UST: variants seen among roughly 807,000 people sequenced by gnomAD.
UST encodes the protein chondroitin sulfate 2-O-sulfotransferase.
A neutral mutation model predicts 45.6 loss-of-function variants in UST; 21 were observed. The ratio of observed to expected loss-of-function variants is 0.46; its 90% CI spans 0.33 to 0.66. The LOEUF is 0.66. Ranked by LOEUF, UST falls within the 30% of genes least tolerant of loss-of-function variation. UST has a pLI of 0.02. For missense variants in UST, 463 were observed against 512.4 expected (o/e 0.90, Z 0.93); for synonymous variants, 215 against 200.6 (o/e 1.07, Z -0.61).
At chr6:148,822,239 A>C (rs770088611) in intron 1 of UST, among the ~76,000 whole-genome samples, 3 of 152,220 alleles carry the variant, frequency 2.0e-5, no homozygotes, top group Non-Finnish European at 2.9e-5. Flanking sequence ...CTATACTTGA[A>C]AAATCTTATG....
intron 5 of UST, among the ~76,000 whole-genome samples, chr6:148,984,588 G>A (rs1316632701): frequency 6.6e-6 from 1 of 152,170 alleles, no homozygotes; most frequent in Non-Finnish European, 1.5e-5. Context: ...AGGCTGGAGT[G>A]CAGTGGCACA....
At chr6:149,051,180 G>T (rs1446698677) in intron 7 of UST, among the ~76,000 whole-genome samples, 1 of 152,236 alleles carries the variant, frequency 6.6e-6, no homozygotes, top group Non-Finnish European at 1.5e-5. Flanking sequence ...GATTCCATGA[G>T]CTTGGACTCA....
intron 2 of UST, among the ~76,000 whole-genome samples, chr6:148,929,611 T>A (rs181305920): frequency 8.5e-4 from 129 of 152,318 alleles, no homozygotes; most frequent in Middle Eastern, 6.8e-3. Context: ...CTAAGGACTT[T>A]TGTAAGAGAA....
rs372845504 is a variant in UST at position 148,997,796 on chromosome 6, A to T, written c.682-21343A>T. Among the ~76,000 whole-genome samples the T allele has an allele frequency of 4.6e-5, 7 of 152,322 alleles. 1 individual carries two copies. The highest frequency in any genetic ancestry group is 1.3e-4 in the Admixed American group (2 of 15,304). ...ATTCTTAGTCACTCATGATACTAGG[A>T]TCTTGAGAAACCGAAGTTCCCTGTT... On this transcript the variant is annotated intron_variant, in intron 5 of 7. Coordinates refer to ENST00000367463, the MANE Select transcript of UST (RefSeq NM_005715.3).
intron 2 of UST, among the ~76,000 whole-genome samples, chr6:148,916,269 T>G (rs1779588061): frequency 6.6e-6 from 1 of 152,340 alleles, no homozygotes; most frequent in African/African-American, 2.4e-5. Flanking sequence ...GTTAAGTAAT[T>G]TGCCGAAAGG....
At chr6:149,026,612 T>C (rs1374862821) in intron 7 of UST, among the ~76,000 whole-genome samples, 1 of 152,150 alleles carries the variant, frequency 6.6e-6, no homozygotes, top group African/African-American at 2.4e-5. Context: ...ATAGGAACAG[T>C]CATATGAGCA....
At chr6:148,862,824 C>G (rs1778345460) in intron 1 of UST, among the ~76,000 whole-genome samples, 1 of 152,260 alleles carries the variant, frequency 6.6e-6, no homozygotes, top group South Asian at 2.1e-4. Flanking sequence ...TGAATATTGG[C>G]CCCCACTCTC....
Position 148,993,956 on chromosome 6 carries a change from C to CTTTTTTTTTTTT in UST, c.682-25166_682-25155dup, listed in dbSNP as rs57552256. On this transcript the variant is annotated intron_variant, in intron 5 of 7. Coordinates refer to ENST00000367463, the MANE Select transcript of UST (RefSeq NM_005715.3). The stretch of plus-strand genomic sequence containing the variant: ...TTACCCAGTCTTGAATATTTCTTTC[C>CTTTTTTTTTTTT]TTTTTTTTTTTTTTTTTTTTTTTTT... Among the ~76,000 whole-genome samples the CTTTTTTTTTTTT allele has an allele frequency of 9.4e-5, 9 of 95,360 alleles. 3 individuals carry two copies. The highest frequency in any genetic ancestry group is 2.7e-4 in the African/African-American group (6 of 21,862). The allele number at this position is 95,360 out of a possible 152,430, so 62.6% of individuals were successfully genotyped here. A position where few individuals can be genotyped will look rare whatever the true frequency, so the allele number is the denominator to read the frequency against.
At chr6:148,932,849 G>C (rs1444794970) in intron 2 of UST, among the ~76,000 whole-genome samples, 4 of 152,230 alleles carry the variant, frequency 2.6e-5, no homozygotes, top group African/African-American at 9.6e-5. Context: ...TTAATATTTA[G>C]AAGTGCAGGA....
intron 3 of UST, among the ~76,000 whole-genome samples, chr6:148,949,639 T>C (rs1780325578): frequency 6.6e-6 from 1 of 152,136 alleles, no homozygotes; most frequent in South Asian, 2.1e-4. Flanking sequence ...GAGTGCTAGA[T>C]AATTCTGTCT....
At position 148,803,043 on chromosome 6, in the gene UST, G is replaced by A. The variant is rs547536679; in HGVS notation, c.247+55366G>A. ...TATTATTATCATCATTTTTATTATC[G>A]TTAGAGAGTGTGTCTTCCTAATAAA... On this transcript the variant is annotated intron_variant, in intron 1 of 7. Transcript: ENST00000367463. Among the ~76,000 whole-genome samples the A allele has an allele frequency of 5.3e-5, 8 of 152,164 alleles. No individual in the cohort carries two copies. In the East Asian group the frequency reaches 1.2e-3, roughly 22 times the overall value.
At chr6:149,060,652 G>T (rs879677600) in intron 7 of UST, among the ~76,000 whole-genome samples, 6 of 152,166 alleles carry the variant, frequency 3.9e-5, no homozygotes, top group Non-Finnish European at 5.9e-5. Context: ...GTACACCGAC[G>T]GTACTTCCTC....
At chr6:148,787,856 G>A (rs893411057) in intron 1 of UST, among the ~76,000 whole-genome samples, 1 of 152,080 alleles carries the variant, frequency 6.6e-6, no homozygotes, top group East Asian at 1.9e-4. Flanking sequence ...TTAAAAAATT[G>A]TAATCAAAGC....
chr6:148,940,318 C>T (rs1410339635), intron 2 of UST, among the ~76,000 whole-genome samples: 2 of 147,786 alleles, frequency 1.4e-5, no homozygotes, highest in Non-Finnish European at 3.0e-5. Flanking sequence ...GAAACCCTGT[C>T]TCTACCAAAA....
intron 2 of UST, among the ~76,000 whole-genome samples, chr6:148,899,925 C>G (rs1021395894): frequency 6.6e-6 from 1 of 152,096 alleles, no homozygotes; most frequent in African/African-American, 2.4e-5. Flanking sequence ...TGCCATCTAG[C>G]CTTCTTGCCT....
intron 7 of UST, among the ~76,000 whole-genome samples, chr6:149,032,739 C>T (rs1040521752): frequency 1.3e-4 from 20 of 152,298 alleles, no homozygotes; most frequent in Middle Eastern, 3.4e-3. Context: ...CCCCAGATGC[C>T]CCCCTCTGTG....
intron 2 of UST, among the ~76,000 whole-genome samples, chr6:148,919,502 C>T (rs1311667410): frequency 6.6e-6 from 1 of 152,088 alleles, no homozygotes; most frequent in East Asian, 1.9e-4. Flanking sequence ...CTTCTATAGC[C>T]ACAGTGAATT....
chr6:148,818,228 C>T (rs1777392612), intron 1 of UST, among the ~76,000 whole-genome samples: 1 of 152,216 alleles, frequency 6.6e-6, no homozygotes, highest in South Asian at 2.1e-4. Context: ...TTGCAGTCGA[C>T]GATGTGTCTT....
intron 7 of UST, among the ~76,000 whole-genome samples, chr6:149,033,290 C>T (rs1019230256): frequency 3.3e-5 from 5 of 152,186 alleles, no homozygotes; most frequent in African/African-American, 7.2e-5. Flanking sequence ...TACCCCCTGC[C>T]GGGGCGAAGT....
Sources: gnomAD v4.1 joint callset for allele counts (sites outside exome capture counted in the v4.1 genomes callset) on GRCh38, gnomAD v4.1.1 for gene constraint, MANE v1.5 for transcripts, NCBI Gene and HGNC (gene_info 2026-07-23, HGNC 2026-07-21) for gene names.